PCDHA10: variants seen among roughly 807,000 people sequenced by gnomAD.
The protein encoded by PCDHA10 is protocadherin alpha-10.
A neutral mutation model predicts 61.2 loss-of-function variants in PCDHA10; 45 were observed. The observed-to-expected ratio is 0.74, with a 90% CI of 0.58 to 0.94. PCDHA10 has a LOEUF of 0.94. Ranked by LOEUF, PCDHA10 falls within the 40% of genes least tolerant of loss-of-function variation. PCDHA10 has a pLI of 0.00. For synonymous variants in PCDHA10, 602 were observed against 548.8 expected (o/e 1.10, Z -1.35); for missense variants, 1,278 against 1,236.2 (o/e 1.03, Z -0.51).
rs1351628380 is a variant in PCDHA10, at chr5:140,928,607, G to A, written c.2389-50342G>A. ...TCTGTCCCAGTGGAAATTGTGCCCC[G>A]CTCTGCCAGGACTGGACACTTGGTC... On this transcript the variant is annotated intron_variant, in intron 1 of 3. Coordinates refer to ENST00000307360, the MANE Select transcript of PCDHA10 (RefSeq NM_018901.4). 3.1e-6 allele frequency: 5 copies of A among 1,614,068 alleles called. No homozygotes were observed. In the South Asian group the frequency reaches 3.3e-5, roughly 11 times the overall value.
intron 3 of PCDHA10, among the ~76,000 whole-genome samples, chr5:140,991,890 T>A (rs1192590580): frequency 1.3e-5 from 2 of 152,192 alleles, no homozygotes; most frequent in Non-Finnish European, 2.9e-5. Context: ...CCATAACAAA[T>A]TAACACAAAA....
At chr5:140,865,534 A>G (rs2048907246) in intron 1 of PCDHA10, 1 of 152,224 alleles carries the variant, frequency 6.6e-6, no homozygotes, top group South Asian at 2.1e-4. Flanking sequence ...CTCTTCATCC[A>G]TAGCTATAGG....
At chr5:140,941,214 C>CTTCCTTTCTTTCTTT (rs1554214039) in intron 1 of PCDHA10, among the ~76,000 whole-genome samples, 1 of 122,414 alleles carries the variant, frequency 8.2e-6, no homozygotes, top group Non-Finnish European at 1.7e-5. Context: ...TTTCTTTCTT[C>CTTCCTTTCTTTCTTT]CTTTCTTTCT....
chr5:140,966,934 G>C (rs782780798), intron 1 of PCDHA10: 3 of 1,604,080 alleles, frequency 1.9e-6, no homozygotes, highest in Non-Finnish European at 2.5e-6. Flanking sequence ...CACCCGGCGC[G>C]CTCGTGGGCA....
Position 141,009,541 on chromosome 5 carries a change from A to G in PCDHA10, c.2537-86A>G. 8 of 1,530,282 alleles carry G rather than the reference A, an allele frequency of 5.2e-6. No homozygotes were observed. The South Asian group carries it at 6.6e-5, about 13-fold the overall frequency. 94.8% of individuals were successfully genotyped at this position (1,530,282 alleles called of 1,614,324 possible). Reference sequence around the variant, plus strand: ...TTTTCTGGGGAGGTTCAGCCTGCCTATGCAGTACTCCTGTACTCTACCAGC... The same window carrying G: ...TTTTCTGGGGAGGTTCAGCCTGCCTGTGCAGTACTCCTGTACTCTACCAGC... On this transcript the variant is annotated intron_variant, in intron 3 of 3. Coordinates refer to ENST00000307360, the MANE Select transcript of PCDHA10 (RefSeq NM_018901.4).
chr5:140,910,737 G>A (rs1405978966), intron 1 of PCDHA10, among the ~76,000 whole-genome samples: 2 of 152,008 alleles, frequency 1.3e-5, no homozygotes, highest in African/African-American at 4.8e-5. Context: ...AGCTAACCAA[G>A]CACATAAATT....
Position 140,884,409 on chromosome 5 carries a change from C to G in PCDHA10, c.2388+25973C>G, listed in dbSNP as rs373513056. The G allele has an allele frequency of 2.7e-5, 43 of 1,613,874 alleles. No individual in the cohort carries two copies. The highest frequency in any genetic ancestry group is 4.0e-5 in the African/African-American group (3 of 74,930). On this transcript the variant is annotated intron_variant, in intron 1 of 3. Coordinates refer to ENST00000307360, the MANE Select transcript of PCDHA10 (RefSeq NM_018901.4). ...GCGGTGTCCAGCCTGTTGGTGCTCA[C>G]GTTGCTGCTGTATACTGCGCTGCGG...
chr5:140,932,991 C>T (rs2088784414), intron 1 of PCDHA10, among the ~76,000 whole-genome samples: 1 of 151,940 alleles, frequency 6.6e-6, no homozygotes, highest in African/African-American at 2.4e-5. Context: ...AAATGCATGT[C>T]ATATGAATAT....
rs79247475 is a variant in PCDHA10 at position 140,982,540 on chromosome 5, C to G, written c.2513C>G (p.Pro838Arg). The G allele has an allele frequency of 4.3e-3, 6,927 of 1,614,122 alleles. 34 individuals are homozygous for G. The highest frequency in any genetic ancestry group is 5.0e-3 in the South Asian group (455 of 91,080). Residue 838 changes from proline to arginine, a missense_variant, in exon 3 of 4, where the codon CCA becomes CGA. Physicochemically the swap from Pro to Arg is moderately radical, Grantham distance 103. Transcript: ENST00000307360. ...AGPGGPDQQW[P>R]TVSSATPEPE... ...CCAGGAGGGCCTGATCAGCAGTGGC[C>G]AACAGTATCCAGTGCAACACCAGGT...
At chr5:140,967,166 G>T (rs563863114) in intron 1 of PCDHA10, 1 of 1,611,394 alleles carries the variant, frequency 6.2e-7, no homozygotes, top group South Asian at 1.1e-5. Context: ...GGTGAGCGCC[G>T]TTGAGGTGGA....
intron 1 of PCDHA10, chr5:140,868,015 G>A (rs1161077691): frequency 6.6e-6 from 1 of 152,028 alleles, no homozygotes; most frequent in African/African-American, 2.4e-5. Flanking sequence ...TTAGATTAAG[G>A]AAACCAATGT....
chr5:140,902,599 G>A (rs981296505), intron 1 of PCDHA10, among the ~76,000 whole-genome samples: 14 of 152,024 alleles, frequency 9.2e-5, no homozygotes, highest in Admixed American at 3.3e-4. Flanking sequence ...GAAACAGGTC[G>A]TTTTCAGTTA....
At chr5:140,924,227 TA>T (rs2153571643) in intron 1 of PCDHA10, among the ~76,000 whole-genome samples, 1 of 152,354 alleles carries the variant, frequency 6.6e-6, no homozygotes, top group East Asian at 1.9e-4. Flanking sequence ...GTTCAATTTT[TA>T]TGGGCTGTTT....
At chr5:140,884,432 C>T (rs782413139) in intron 1 of PCDHA10, 2 of 1,613,880 alleles carry the variant, frequency 1.2e-6, no homozygotes, top group East Asian at 4.5e-5. Flanking sequence ...TACTGCGCTG[C>T]GGTGCTCGGC....
chr5:141,006,383 T>C (rs1431976303), intron 3 of PCDHA10, among the ~76,000 whole-genome samples: 1 of 151,992 alleles, frequency 6.6e-6, no homozygotes, highest in African/African-American at 2.4e-5. Context: ...GGCTAAGTTT[T>C]TTCTATTTTT....
At chr5:140,914,059 G>A (rs2076582448) in intron 1 of PCDHA10, among the ~76,000 whole-genome samples, 1 of 152,202 alleles carries the variant, frequency 6.6e-6, no homozygotes, top group African/African-American at 2.4e-5. Flanking sequence ...GCTGTTGGAT[G>A]AAATGCTCCA....
chr5:140,884,253 C>G (rs1356283866), intron 1 of PCDHA10: 2 of 1,613,302 alleles, frequency 1.2e-6, no homozygotes, highest in Non-Finnish European at 1.7e-6. Flanking sequence ...CTGACGGCCA[C>G]GGCAACGGTG....
intron 1 of PCDHA10, among the ~76,000 whole-genome samples, chr5:140,977,739 T>C (rs1198089748): frequency 1.3e-5 from 2 of 152,206 alleles, no homozygotes; most frequent in South Asian, 2.1e-4. Context: ...CTGGGTGTTA[T>C]GAAGAAATGT....
At chr5:140,993,431 C>T (rs1171497178) in intron 3 of PCDHA10, among the ~76,000 whole-genome samples, 1 of 149,406 alleles carries the variant, frequency 6.7e-6, no homozygotes, top group African/African-American at 2.5e-5. Context: ...TTTTAAAATC[C>T]TTATTCATTC....
Sources: gnomAD v4.1 joint callset for allele counts (sites outside exome capture counted in the v4.1 genomes callset) on GRCh38, gnomAD v4.1.1 for gene constraint, MANE v1.5 for transcripts, NCBI Gene and HGNC (gene_info 2026-07-23, HGNC 2026-07-21) for gene names.